Variants in IGSF10 observed in about 807,000 individuals in gnomAD.
IGSF10 encodes the protein immunoglobulin superfamily member 10.
In IGSF10, 126 loss-of-function variants were observed where a neutral mutation model predicts 128.2. The ratio of observed to expected loss-of-function variants is 0.98; its 90% confidence interval spans 0.85 to 1.14. The LOEUF is 1.14. Among genes scored for constraint, IGSF10 ranks in the 50% most tolerant of loss-of-function variants. The pLI, the probability that IGSF10 is intolerant of heterozygous loss-of-function variation, is 0.00. For missense variants in IGSF10, 3,295 were observed against 3,149.8 expected, an observed-to-expected ratio of 1.05 and a Z score of -1.10; for synonymous variants, 1,185 against 1,146.2, an observed-to-expected ratio of 1.03 and a Z score of -0.68.
At chr3:151,568,507 A>C in the IGSF10 span, among the ~76,000 whole-genome samples, 1 of 152,148 alleles carries the variant, frequency 6.6e-6, no homozygotes, top group Admixed American at 6.5e-5. Context: ...TTTGATTTAT[A>C]ATATCTCCCT....
At chr3:151,455,341 A>G (rs1458148571) in intron 4 of IGSF10, among the ~76,000 whole-genome samples, 2 of 108,918 alleles carry the variant, frequency 1.8e-5, no homozygotes, top group South Asian at 3.7e-4. Context: ...TGAACTCCCA[A>G]CCTCAGGTGA....
the IGSF10 span, among the ~76,000 whole-genome samples, chr3:151,543,759 C>G: frequency 6.6e-6 from 1 of 151,954 alleles, no homozygotes; most frequent in Non-Finnish European, 1.5e-5. Context: ...GCCAAACTTG[C>G]TGAGTCATGC....
the IGSF10 span, among the ~76,000 whole-genome samples, chr3:151,537,653 C>G: frequency 5.9e-5 from 9 of 152,176 alleles, no homozygotes; most frequent in African/African-American, 2.2e-4. Context: ...CTGTAATGGC[C>G]TGTTATTGAC....
chr3:151,519,832 G>A, the IGSF10 span, among the ~76,000 whole-genome samples: 4 of 151,792 alleles, frequency 2.6e-5, no homozygotes, highest in African/African-American at 4.8e-5. Context: ...AGGCTACTAT[G>A]TGCATTCTTT....
rs1365109350 is a variant in IGSF10 at position 151,458,604 on chromosome 3, A to G, written c.106T>C (p.Tyr36His). 1 of 1,614,102 alleles carries G rather than the reference A, an allele frequency of 6.2e-7. No homozygotes were observed. The highest frequency in any genetic ancestry group is 8.5e-7 in the Non-Finnish European group (1 of 1,180,042). The part of the protein sequence containing the change: ...GKACPRRCAC[Y>H]MPTEVHCTFR... The stretch of plus-strand genomic sequence containing the variant: ...GTGCAGTGTACCTCCGTAGGCATAT[A>G]ACAGGCACAGCGGCGAGGACAGGCC... Residue 36 changes from tyrosine to histidine, a missense_variant, in exon 3 of 8, where the codon TAT becomes CAT. By Grantham distance (83) the Tyr-to-His change is moderately conservative. Transcript: ENST00000282466.
At chr3:151,467,535 G>C in the IGSF10 span, among the ~76,000 whole-genome samples, 1 of 152,226 alleles carries the variant, frequency 6.6e-6, no homozygotes, top group South Asian at 2.1e-4. Flanking sequence ...ACAAACCTGA[G>C]GAGGGTATTA....
the IGSF10 span, among the ~76,000 whole-genome samples, chr3:151,544,352 G>C: frequency 4.6e-5 from 7 of 152,234 alleles, no homozygotes; most frequent in African/African-American, 1.7e-4. Flanking sequence ...AGTCTTTCTG[G>C]GGTTTTCTCT....
the IGSF10 span, among the ~76,000 whole-genome samples, chr3:151,502,645 A>G: frequency 1.1e-4 from 16 of 151,880 alleles, no homozygotes; most frequent in Non-Finnish European, 2.1e-4. Context: ...CTATATAACT[A>G]AAATTTTTTC....
At chr3:151,483,033 T>C in the IGSF10 span, among the ~76,000 whole-genome samples, 1 of 152,116 alleles carries the variant, frequency 6.6e-6, no homozygotes, top group African/African-American at 2.4e-5. Context: ...TCCCACTTTA[T>C]AAGAAATGCT....
chr3:151,489,214 A>G, the IGSF10 span, among the ~76,000 whole-genome samples: 130,332 of 152,138 alleles, frequency 0.86, 56,046 homozygotes, highest in Middle Eastern at 0.95. Context: ...GCCAACAAAT[A>G]TATGAAAAAA....
chr3:151,554,965 A>G, the IGSF10 span, among the ~76,000 whole-genome samples: 2 of 152,170 alleles, frequency 1.3e-5, no homozygotes, highest in Non-Finnish European at 2.9e-5. Context: ...CATTGTGGTA[A>G]TAAATAATTG....
At chr3:151,485,961 TAA>T in the IGSF10 span, among the ~76,000 whole-genome samples, 1 of 40,562 alleles carries the variant, frequency 2.5e-5, no homozygotes, top group South Asian at 7.1e-4. Flanking sequence ...ATATTAATCT[TAA>T]ATGTAAATGG....
chr3:151,595,169 CTG>C, the IGSF10 span, among the ~76,000 whole-genome samples: 1 of 152,044 alleles, frequency 6.6e-6, no homozygotes, highest in African/African-American at 2.4e-5. Flanking sequence ...GTTGGTAGGA[CTG>C]TAAATTAGTA....
At chr3:151,544,092 A>G in the IGSF10 span, among the ~76,000 whole-genome samples, 1 of 152,128 alleles carries the variant, frequency 6.6e-6, no homozygotes, top group Admixed American at 6.5e-5. Context: ...TATTTTTAGT[A>G]GAGAAGGGGT....
chr3:151,438,221 C>T lies in IGSF10; in HGVS notation c.6340G>A (p.Glu2114Lys), dbSNP rs753647662. 9.9e-6 allele frequency: 16 copies of T among 1,614,046 alleles called. No individual in the cohort carries two copies. Among genetic ancestry groups the T allele is most frequent in the Non-Finnish European group, 1.4e-5 (16 of 1,180,040 alleles). The change falls in exon 8 of 8, where the codon GAA becomes AAA. Residue 2114 changes from glutamate (E) to lysine (K), a missense_variant. Physicochemically the swap from Glu to Lys is moderately conservative, Grantham distance 56. Coordinates refer to ENST00000282466, the MANE Select transcript of IGSF10 (RefSeq NM_178822.5). ...TGGGCATAGCAAGTATAATCTCCTT[C>T]CTCCGCTACCCCAACTTTGTTGAAG... ...LYFNKVGVAEEGDYTCYAQNT... is the reference protein window; with the variant it reads ...LYFNKVGVAEKGDYTCYAQNT...
At chr3:151,597,742 C>T in the IGSF10 span, among the ~76,000 whole-genome samples, 1 of 152,140 alleles carries the variant, frequency 6.6e-6, no homozygotes, top group East Asian at 1.9e-4. Flanking sequence ...TATGGTGAAA[C>T]CTCGTCTCTA....
chr3:151,546,139 A>G, the IGSF10 span, among the ~76,000 whole-genome samples: 1 of 151,832 alleles, frequency 6.6e-6, no homozygotes, highest in South Asian at 2.1e-4. Flanking sequence ...ACCTGGGAGC[A>G]TCAAAAACAG....
chr3:151,477,383 T>A, the IGSF10 span, among the ~76,000 whole-genome samples: 1 of 152,234 alleles, frequency 6.6e-6, no homozygotes, highest in Non-Finnish European at 1.5e-5. Flanking sequence ...TTTTCCAGTA[T>A]GTTGCAGAAT....
At chr3:151,566,692 G>A in the IGSF10 span, among the ~76,000 whole-genome samples, 1 of 152,250 alleles carries the variant, frequency 6.6e-6, no homozygotes, top group African/African-American at 2.4e-5. Context: ...GGGAGCCATA[G>A]AGTGCTATGT....
Sources: gnomAD v4.1 joint callset for allele counts (sites outside exome capture counted in the v4.1 genomes callset) on GRCh38, gnomAD v4.1.1 for gene constraint, MANE v1.5 for transcripts, NCBI Gene and HGNC (gene_info 2026-07-23, HGNC 2026-07-21) for gene names.